KLF5: variants seen among roughly 807,000 people sequenced by gnomAD.
KLF5 encodes the protein Krueppel-like factor 5.
Under a neutral mutation model 36.9 loss-of-function variants are expected in KLF5, and 9 were observed. The observed-to-expected ratio is 0.24, with a 90% CI of 0.15 to 0.43. KLF5 has a LOEUF of 0.43. Among genes scored for constraint, KLF5 ranks in the 20% least tolerant of loss-of-function variants. The pLI is 1.00. For missense variants in KLF5, 524 were observed against 599.5 expected, an observed-to-expected ratio of 0.87 and a Z score of 1.31; for synonymous variants, 246 against 241.7, an observed-to-expected ratio of 1.02 and a Z score of -0.17.
intron 3 of KLF5, among the ~76,000 whole-genome samples, chr13:73,069,459 C>T (rs990299098): frequency 6.6e-5 from 10 of 152,066 alleles, no homozygotes; most frequent in African/African-American, 2.4e-4. Context: ...CATTTATTAG[C>T]CTTTAGTATT....
rs2044641468 is a variant in KLF5 at position 73,062,162 on chromosome 13, A to T, written c.563A>T (p.Glu188Val). The T allele has an allele frequency of 6.2e-7, 1 of 1,614,132 alleles. No homozygotes were observed. The highest frequency in any genetic ancestry group is 2.2e-5 in the East Asian group (1 of 44,884). ...PPPAPTQALP[E>V]FTSIFSSHQT... The stretch of plus-strand genomic sequence containing the variant: ...CCGGCCCCGACCCAGGCCCTCCCTG[A>T]GTTCACCAGTATATTCAGCTCACAC... The change falls in exon 2 of 4, where the codon GAG (glutamate) becomes GTG (valine). Residue 188 changes from glutamate (E) to valine (V), a missense_variant. Glu to Val is a moderately radical substitution (Grantham distance 121, BLOSUM62 -2). Coordinates refer to ENST00000377687, the MANE Select transcript of KLF5 (RefSeq NM_001730.5).
At chr13:73,073,659 A>G (rs1390037710) in intron 3 of KLF5, among the ~76,000 whole-genome samples, 1 of 152,228 alleles carries the variant, frequency 6.6e-6, no homozygotes, top group East Asian at 1.9e-4. Flanking sequence ...CTCAGACATC[A>G]GAAATAACTT....
At position 73,069,696 on chromosome 13, in the gene KLF5, T is replaced by G. The variant is rs186307005; in HGVS notation, c.1195+5813T>G. On this transcript the variant is annotated intron_variant, in intron 3 of 3. Transcript: ENST00000377687. ...TAAACTTTGCTTCTAGGACTTGTTC[T>G]TTCTTCTGAGAAACATTTACATAGG... Among the ~76,000 whole-genome samples the G allele has an allele frequency of 2.6e-3, 403 of 152,340 alleles. 1 individual carries two copies. Among genetic ancestry groups the G allele is most frequent in the African/African-American group, 9.2e-3 (383 of 41,576 alleles).
chr13:73,062,407 G>C lies in KLF5; in HGVS notation c.808G>C (p.Val270Leu). 1.2e-6 allele frequency: 2 copies of C among 1,614,184 alleles called. No homozygotes were observed. The highest frequency in any genetic ancestry group is 1.7e-5 in the Admixed American group (1 of 60,024). The change falls in exon 2 of 4, where the codon GTT becomes CTT. Residue 270 changes from valine (V) to leucine (L), a missense_variant. Transcript: ENST00000377687. Reference protein sequence around the residue: ...MAGLNTHTSAVPQTAVKQFQG... With the variant: ...MAGLNTHTSALPQTAVKQFQG... ...AGGCCTTAACACACACACCTCTGCTGTTCCGCAGACTGCAGTGAAACAATT... is the reference window on the plus strand; with the variant it reads ...AGGCCTTAACACACACACCTCTGCTCTTCCGCAGACTGCAGTGAAACAATT...
upstream of KLF5, chr13:73,058,900 T>A (rs1216925446): frequency 6.5e-6 from 1 of 154,964 alleles, no homozygotes; most frequent in African/African-American, 2.4e-5. Context: ...CGCTCAGGCC[T>A]GGCCGGCCTC....
chr13:73,074,566 G>A (rs2044746219), intron 3 of KLF5, among the ~76,000 whole-genome samples: 1 of 152,066 alleles, frequency 6.6e-6, no homozygotes. Flanking sequence ...GAACGTTTTG[G>A]CATTTATTCC....
chr13:73,059,796 G>A, intron 1 of KLF5: 8 of 375,784 alleles, frequency 2.1e-5, no homozygotes, highest in Non-Finnish European at 2.9e-5. Context: ...CCGGGGGTGG[G>A]AAGGATGGAG....
chr13:73,071,197 G>A (rs778001298), intron 3 of KLF5, among the ~76,000 whole-genome samples: 1 of 152,018 alleles, frequency 6.6e-6, no homozygotes, highest in Non-Finnish European at 1.5e-5. Flanking sequence ...ACAGAGAAGT[G>A]AAATGATCTC....
chr13:73,076,129 T>A lies in KLF5; in HGVS notation c.*243T>A. 2.8e-6 allele frequency: 1 copy of A among 353,306 alleles called. No homozygotes were observed. The highest frequency in any genetic ancestry group is 2.1e-5 in the African/African-American group (1 of 47,726). 21.9% of individuals were successfully genotyped at this position (353,306 alleles called of 1,614,324 possible). On this transcript the variant is annotated 3_prime_UTR_variant, in exon 4 of 4. Coordinates refer to ENST00000377687, the MANE Select transcript of KLF5 (RefSeq NM_001730.5). The stretch of plus-strand genomic sequence containing the variant: ...TGGCTTTACTCAAGCAGATCTCATC[T>A]CATGACAGGCAGCCACGTCTCAACA...
In KLF5 at chr13:73,076,131, A is replaced by C; in HGVS notation, c.*245A>C. 101 of 292,712 alleles carry C rather than the reference A, an allele frequency of 3.5e-4. No homozygotes were observed. Among genetic ancestry groups the C allele is most frequent in the Middle Eastern group, 1.9e-3 (2 of 1,052 alleles). The allele number at this position is 292,712 out of a possible 1,614,324, so 18.1% of individuals were successfully genotyped here. ...GCTTTACTCAAGCAGATCTCATCTC[A>C]TGACAGGCAGCCACGTCTCAACATG... On this transcript the variant is annotated 3_prime_UTR_variant, in exon 4 of 4. Transcript: ENST00000377687.
chr13:73,065,930 G>A (rs1420723942), intron 3 of KLF5, among the ~76,000 whole-genome samples: 3 of 152,066 alleles, frequency 2.0e-5, no homozygotes, highest in South Asian at 2.1e-4. Flanking sequence ...TTGACCTGCC[G>A]GCAAATACAT....
Position 73,064,466 on chromosome 13 carries a change from ATT to A in KLF5, c.1195+584_1195+585del, listed in dbSNP as rs777039500. Reference sequence around the variant, plus strand: ...GGTATGTGTGAGAGACTTGATCTTTATTCTAGCTTACATTCATTCTTGTTTAC... The same window carrying A: ...GGTATGTGTGAGAGACTTGATCTTTACTAGCTTACATTCATTCTTGTTTAC... On this transcript the variant is annotated intron_variant, in intron 3 of 3. Coordinates refer to ENST00000377687, the MANE Select transcript of KLF5 (RefSeq NM_001730.5). 1.6e-3 allele frequency among the ~76,000 whole-genome samples: 243 copies of A among 152,270 alleles called. 2 individuals carry two copies. The highest frequency in any genetic ancestry group is 7.8e-4 in the Non-Finnish European group (53 of 68,032).
Position 73,059,435 on chromosome 13 carries a change from C to A in KLF5, c.108C>A (p.Ala36=). The change falls in exon 1 of 4, where the codon GCC becomes GCA. Residue 36 remains alanine (A), a synonymous_variant. Coordinates refer to ENST00000377687, the MANE Select transcript of KLF5 (RefSeq NM_001730.5). ...CGCAGCTCAAGCCGGTGCTGGGCGC[C>A]GCGAATCCGGCCCGCGACGCGGCGC... The part of the protein sequence containing the change: ...VFAQLKPVLG[A]ANPARDAALF... 3.1e-6 allele frequency: 4 copies of A among 1,297,186 alleles called. No homozygotes were observed. Among genetic ancestry groups the A allele is most frequent in the Non-Finnish European group, 3.9e-6 (4 of 1,023,274 alleles). 80.4% of individuals were successfully genotyped at this position (1,297,186 alleles called of 1,614,324 possible). A position where few individuals can be genotyped will look rare whatever the true frequency, so the allele number is the denominator to read the frequency against.
In KLF5 at chr13:73,062,124, G is replaced by A; in HGVS notation, c.525G>A (p.Thr175=). Residue 175 remains threonine, a synonymous_variant, in exon 2 of 4, where the codon ACG becomes ACA. Transcript: ENST00000377687. ...PVAIFSHQSE[T]TAPPPAPTQA... is the part of the protein sequence containing the mutation. ...CCATTTTCAGCCACCAGAGTGAAAC[G>A]ACTGCCCCTCCTCCGGCCCCGACCC... 6.2e-7 allele frequency: 1 copy of A among 1,614,040 alleles called. No homozygotes were observed. The highest frequency in any genetic ancestry group is 8.5e-7 in the Non-Finnish European group (1 of 1,180,024).
Position 73,062,140 on chromosome 13 carries a change from G to A in KLF5, c.541G>A (p.Ala181Thr). The A allele has an allele frequency of 7.4e-6, 12 of 1,613,942 alleles. No individual in the cohort carries two copies. Among genetic ancestry groups the A allele is most frequent in the Non-Finnish European group, 1.0e-5 (12 of 1,180,004 alleles). Residue 181 changes from alanine (A) to threonine (T), a missense_variant, in exon 2 of 4, where the codon GCC becomes ACC. Transcript: ENST00000377687. ...HQSETTAPPP[A>T]PTQALPEFTS... ...GAGTGAAACGACTGCCCCTCCTCCG[G>A]CCCCGACCCAGGCCCTCCCTGAGTT... is the stretch of plus-strand genomic sequence containing the variant.
intron 3 of KLF5, among the ~76,000 whole-genome samples, chr13:73,066,248 G>T (rs1057470418): frequency 2.6e-5 from 4 of 151,218 alleles, no homozygotes; most frequent in African/African-American, 9.7e-5. Context: ...AAAATTACCT[G>T]TTCTCTCATT....
chr13:73,065,394 A>G (rs2044671762), intron 3 of KLF5, among the ~76,000 whole-genome samples: 1 of 152,242 alleles, frequency 6.6e-6, no homozygotes, highest in African/African-American at 2.4e-5. Context: ...AAATCCGATG[A>G]CAATGTTGTA....
intron 3 of KLF5, among the ~76,000 whole-genome samples, chr13:73,074,674 G>C (rs1056208766): frequency 6.6e-6 from 1 of 152,154 alleles, no homozygotes; most frequent in East Asian, 1.9e-4. Flanking sequence ...CAGCTGGCAA[G>C]CTTTGGGGAG....
At chr13:73,056,461 C>G (rs1336204780), upstream of KLF5, among the ~76,000 whole-genome samples, 1 of 152,230 alleles carries the variant, frequency 6.6e-6, no homozygotes, top group Non-Finnish European at 1.5e-5. Context: ...TCTGTCCATT[C>G]ACACTGTCTG....
Sources: allele counts gnomAD v4.1 joint callset (sites outside exome capture counted in the v4.1 genomes callset), GRCh38; gene constraint gnomAD v4.1.1; transcripts MANE v1.5; gene names NCBI Gene and HGNC (gene_info 2026-07-23, HGNC 2026-07-21).